Variants in PEDS1 observed in about 807,000 individuals in gnomAD.
PEDS1 encodes plasmanylethanolamine desaturase 1.
Under a neutral mutation model 35.2 loss-of-function variants are expected in PEDS1, and 14 were observed. The ratio of observed to expected loss-of-function variants is 0.40; its 90% CI spans 0.26 to 0.62. The LOEUF (loss-of-function observed/expected upper bound fraction) is 0.62, where lower values mean the gene tolerates loss of function less well. Among genes scored for constraint, PEDS1 ranks in the 20% least tolerant of loss-of-function variants. The probability of loss-of-function intolerance (pLI) is 0.44; values close to 1 mark genes in which losing one functional copy is unlikely to be tolerated. For synonymous variants in PEDS1, 152 were observed against 152.0 expected, an observed-to-expected ratio of 1.00 and a Z score of 0.00; for missense variants, 260 against 367.8, an observed-to-expected ratio of 0.71 and a Z score of 2.40.
chr20:50,145,091 A>G (rs1249727186), intron 1 of PEDS1, among the ~76,000 whole-genome samples: 1 of 151,806 alleles, frequency 6.6e-6, no homozygotes, highest in African/African-American at 2.4e-5. Flanking sequence ...AATCCCAGCT[A>G]TTCGGGAGGC....
rs1389375992 is a variant in PEDS1 at position 50,124,269 on chromosome 20, A to G, written c.*789T>C. 6.6e-6 allele frequency: 1 copy of G among 152,612 alleles called. No individual in the cohort carries two copies. The highest frequency in any genetic ancestry group is 2.4e-5 in the African/African-American group (1 of 41,442). 9.5% of individuals were successfully genotyped at this position (152,612 alleles called of 1,614,324 possible). On this transcript the variant is annotated 3_prime_UTR_variant, in exon 6 of 6. Coordinates refer to ENST00000371652, the MANE Select transcript of PEDS1 (RefSeq NM_199129.4). ...TACAGAAAAGATATTAAGGCTTTCT[A>G]TTATTTACATTAAACAAGCAAGCAC...
At chr20:50,149,891 G>A (rs866556964) in intron 1 of PEDS1, among the ~76,000 whole-genome samples, 3 of 152,148 alleles carry the variant, frequency 2.0e-5, no homozygotes, top group African/African-American at 7.2e-5. Context: ...ACTGCTGCCC[G>A]GTGCCCCGCC....
intron 1 of PEDS1, chr20:50,151,430 T>G: frequency 1.7e-6 from 1 of 586,818 alleles, no homozygotes; most frequent in South Asian, 1.5e-5. Flanking sequence ...TGAAAGTAGG[T>G]AGGGTTCACA....
intron 5 of PEDS1, among the ~76,000 whole-genome samples, chr20:50,125,843 G>A (rs905130896): frequency 1.3e-5 from 2 of 151,970 alleles, no homozygotes; most frequent in African/African-American, 4.8e-5. Context: ...CACCCGCCTC[G>A]GCCTCCCAAA....
In PEDS1 at chr20:50,129,865, G is replaced by C. The variant is rs141822095; in HGVS notation, c.334-175C>G. ...CACTGCCAGACACAGACCCCATCCA[G>C]CCTTTGGGGAGATGAGCCGAAATGA... On this transcript the variant is annotated intron_variant, in intron 3 of 5. Coordinates refer to ENST00000371652, the MANE Select transcript of PEDS1 (RefSeq NM_199129.4). The surrounding 1 kb of genome is among the most constrained non-coding windows in gnomAD (Gnocchi z 4.2). 3.9e-5 allele frequency among the ~76,000 whole-genome samples: 6 copies of C among 152,284 alleles called. No individual in the cohort carries two copies. Among genetic ancestry groups the C allele is most frequent in the African/African-American group, 1.4e-4 (6 of 41,566 alleles).
At chr20:50,130,057 G>T (rs2081158258) in intron 3 of PEDS1, among the ~76,000 whole-genome samples, 1 of 152,164 alleles carries the variant, frequency 6.6e-6, no homozygotes, top group Non-Finnish European at 1.5e-5. Flanking sequence ...TGCACCTGCT[G>T]GGGTAACAGC....
chr20:50,150,602 G>A (rs1026284342), intron 1 of PEDS1, among the ~76,000 whole-genome samples: 17 of 152,084 alleles, frequency 1.1e-4, no homozygotes, highest in Admixed American at 4.6e-4. Flanking sequence ...CTATGTATTT[G>A]CTCCACAGCG....
At chr20:50,153,170 A>G (rs1397606611) in intron 1 of PEDS1, among the ~76,000 whole-genome samples, 1 of 141,210 alleles carries the variant, frequency 7.1e-6, no homozygotes, top group African/African-American at 2.7e-5. Context: ...TCCTGGGGGG[A>G]TGAGGGGGTG....
In PEDS1 at chr20:50,125,018, GCTA is replaced by G. The variant is rs765855555; in HGVS notation, c.*37_*39del. ...TTTGGCAGATGGCTTCGGTTTGGGG[GCTA>G]GGGAAGGTTGGCAACCAGGTAGCAG... On this transcript the variant is annotated 3_prime_UTR_variant, in exon 6 of 6. Coordinates refer to ENST00000371652, the MANE Select transcript of PEDS1 (RefSeq NM_199129.4). 72 of 1,609,718 alleles carry G rather than the reference GCTA, an allele frequency of 4.5e-5. No homozygotes were observed. The highest frequency in any genetic ancestry group is 5.5e-5 in the Non-Finnish European group (65 of 1,177,020).
At chr20:50,150,286 C>T (rs1460415349) in intron 1 of PEDS1, among the ~76,000 whole-genome samples, 1 of 152,210 alleles carries the variant, frequency 6.6e-6, no homozygotes, top group Non-Finnish European at 1.5e-5. Context: ...TGCCAAACCA[C>T]CTCCAGCCCC....
rs2081070332 is a variant in PEDS1, at chr20:50,123,665, C to T, written c.*1393G>A. On this transcript the variant is annotated 3_prime_UTR_variant, in exon 6 of 6. Transcript: ENST00000371652. ...TCTGACCTCCTCTCCTCCCCCAGGT[C>T]TCAGCTCAGAGGCCCTTCATGACCA... The T allele has an allele frequency of 6.6e-6, 1 of 152,360 alleles. No individual in the cohort carries two copies. The highest frequency in any genetic ancestry group is 1.5e-5 in the Non-Finnish European group (1 of 68,116). 9.4% of individuals were successfully genotyped at this position (152,360 alleles called of 1,614,324 possible).
chr20:50,152,894 G>T lies in PEDS1; in HGVS notation c.121+623C>A, dbSNP rs751619274. Among the ~76,000 whole-genome samples, 5 of 150,222 alleles carry T rather than the reference G, an allele frequency of 3.3e-5. No individual in the cohort carries two copies. The South Asian group carries it at 1.0e-3, about 31-fold the overall frequency. ...AGGATATCGGTCTGTAGCCACTGAA[G>T]CTATCACTAGGATGGGGTTTTGGGG... On this transcript the variant is annotated intron_variant, in intron 1 of 5. Transcript: ENST00000371652.
chr20:50,145,131 G>A (rs1261131085), intron 1 of PEDS1, among the ~76,000 whole-genome samples: 4 of 152,140 alleles, frequency 2.6e-5, no homozygotes, highest in African/African-American at 4.8e-5. Flanking sequence ...GAATCTGGGA[G>A]GTGGAGATTG....
chr20:50,146,789 A>T (rs1296346581), intron 1 of PEDS1, among the ~76,000 whole-genome samples: 1 of 152,184 alleles, frequency 6.6e-6, no homozygotes, highest in Non-Finnish European at 1.5e-5. Flanking sequence ...GTCACATAGC[A>T]GAGGTCACAG....
intron 5 of PEDS1, among the ~76,000 whole-genome samples, 174 bp from the exon 6 acceptor site, chr20:50,125,353 G>T (rs1569039776): frequency 6.6e-6 from 1 of 152,118 alleles, no homozygotes; most frequent in South Asian, 2.1e-4. Context: ...AATGGGCCTG[G>T]GGCCACTCAG....
At chr20:50,150,664 C>G (rs986862999) in intron 1 of PEDS1, among the ~76,000 whole-genome samples, 1 of 152,084 alleles carries the variant, frequency 6.6e-6, no homozygotes, top group African/African-American at 2.4e-5. Context: ...TATGGCCCGG[C>G]TATTTACTAA....
Position 50,128,567 on chromosome 20 carries a change from G to A in PEDS1, c.479-380C>T, listed in dbSNP as rs139386077. ...AAAATGGGAATGATGCCTTCACCCA[G>A]GTTCCCTAGAAGCGGAGCCTGAAAC... On this transcript the variant is annotated intron_variant, in intron 4 of 5. Transcript: ENST00000371652. This position sits in a 1 kb window ranked among gnomAD's most constrained non-coding sequence, Gnocchi z 5.2. Among the ~76,000 whole-genome samples, 3 of 152,264 alleles carry A rather than the reference G, an allele frequency of 2.0e-5. No homozygotes were observed. Among genetic ancestry groups the A allele is most frequent in the African/African-American group, 7.2e-5 (3 of 41,534 alleles).
intron 1 of PEDS1, among the ~76,000 whole-genome samples, chr20:50,148,014 C>T (rs948741040): frequency 6.6e-6 from 1 of 152,166 alleles, no homozygotes; most frequent in African/African-American, 2.4e-5. Flanking sequence ...CACGTGAACC[C>T]AGGAGGCAGA....
chr20:50,145,688 T>A (rs1223442893), intron 1 of PEDS1, among the ~76,000 whole-genome samples: 1 of 150,976 alleles, frequency 6.6e-6, no homozygotes, highest in African/African-American at 2.4e-5. Flanking sequence ...TAAAACTCCA[T>A]CTCAAGAAAA....
Sources: gnomAD v4.1 joint callset for allele counts (sites outside exome capture counted in the v4.1 genomes callset) on GRCh38, gnomAD v4.1.1 for gene constraint, Gnocchi (gnomAD v3.1) non-coding constraint, MANE v1.5 for transcripts, NCBI Gene and HGNC (gene_info 2026-07-23, HGNC 2026-07-21) for gene names.